PPARGC1A: variants seen among roughly 807,000 people sequenced by gnomAD.
PPARGC1A encodes peroxisome proliferator-activated receptor gamma coactivator 1-alpha.
PPARGC1A carries 25 observed loss-of-function variants against 88.7 expected under a neutral mutation model. The ratio of observed to expected loss-of-function variants is 0.28; its 90% CI spans 0.21 to 0.39. PPARGC1A has a LOEUF of 0.39. Among genes scored for constraint, PPARGC1A ranks in the 10% least tolerant of loss-of-function variants. The probability of loss-of-function intolerance (pLI) is 1.00; values close to 1 mark genes in which losing one functional copy is unlikely to be tolerated. For synonymous variants in PPARGC1A, 363 were observed against 355.6 expected, an observed-to-expected ratio of 1.02 and a Z score of -0.24; for missense variants, 880 against 968.7, an observed-to-expected ratio of 0.91 and a Z score of 1.22.
chr4:24,303,692 C>G, the PPARGC1A span, among the ~76,000 whole-genome samples: 1 of 150,682 alleles, frequency 6.6e-6, no homozygotes, highest in Non-Finnish European at 1.5e-5. Context: ...GGGAAAAAAT[C>G]AATTTTAATC....
At chr4:24,260,238 G>A in the PPARGC1A span, among the ~76,000 whole-genome samples, 34 of 152,322 alleles carry the variant, frequency 2.2e-4, no homozygotes, top group African/African-American at 7.5e-4. Flanking sequence ...GTCTGTCTAC[G>A]TCTACAAGCA....
At chr4:24,333,383 T>A in the PPARGC1A span, among the ~76,000 whole-genome samples, 3 of 152,264 alleles carry the variant, frequency 2.0e-5, no homozygotes, top group African/African-American at 7.2e-5. Context: ...TTTCTGAGTT[T>A]CATGATTCAT....
chr4:24,326,577 G>C, the PPARGC1A span, among the ~76,000 whole-genome samples: 1 of 152,120 alleles, frequency 6.6e-6, no homozygotes, highest in Non-Finnish European at 1.5e-5. Context: ...CTGCCGCAAG[G>C]CTTCACAGAC....
chr4:23,998,632 G>A, the PPARGC1A span, among the ~76,000 whole-genome samples: 5 of 152,234 alleles, frequency 3.3e-5, 1 homozygote, highest in East Asian at 1.9e-4. Flanking sequence ...CAACAATTTT[G>A]GAAGAGTCAG....
the PPARGC1A span, among the ~76,000 whole-genome samples, chr4:24,396,925 T>C: frequency 6.6e-6 from 1 of 152,202 alleles, no homozygotes; most frequent in Non-Finnish European, 1.5e-5. Context: ...AGTTACAAAA[T>C]GGTACTCTCA....
chr4:24,431,253 T>C, the PPARGC1A span, among the ~76,000 whole-genome samples: 2 of 151,658 alleles, frequency 1.3e-5, no homozygotes, highest in Non-Finnish European at 2.9e-5. Flanking sequence ...GCAGGAGAGA[T>C]TTCTAGATGG....
At chr4:23,983,404 CT>C in the PPARGC1A span, among the ~76,000 whole-genome samples, 2 of 152,042 alleles carry the variant, frequency 1.3e-5, no homozygotes, top group Admixed American at 6.6e-5. Flanking sequence ...GATGCAGTGC[CT>C]TTAAAACAGG....
the PPARGC1A span, among the ~76,000 whole-genome samples, chr4:24,441,752 G>C: frequency 6.6e-6 from 1 of 152,148 alleles, no homozygotes; most frequent in African/African-American, 2.4e-5. Flanking sequence ...GGAGGAAAAG[G>C]GTGGAAGAAA....
the PPARGC1A span, among the ~76,000 whole-genome samples, chr4:23,961,973 A>G: frequency 5.9e-5 from 9 of 152,264 alleles, no homozygotes; most frequent in African/African-American, 2.2e-4. Flanking sequence ...ACCAATAAAG[A>G]TAATGAGCAT....
At chr4:24,357,259 A>G in the PPARGC1A span, among the ~76,000 whole-genome samples, 57,252 of 152,034 alleles carry the variant, frequency 0.38, 11,125 homozygotes, top group Non-Finnish European at 0.41. Flanking sequence ...AGCTAACTTA[A>G]GGTCAGCTTC....
the PPARGC1A span, among the ~76,000 whole-genome samples, chr4:24,354,719 T>C: frequency 6.6e-6 from 1 of 151,992 alleles, no homozygotes; most frequent in African/African-American, 2.4e-5. Flanking sequence ...ACCCCGTCTC[T>C]ACTAAAAATA....
the PPARGC1A span, among the ~76,000 whole-genome samples, chr4:24,172,427 C>T: frequency 6.6e-6 from 1 of 152,208 alleles, no homozygotes; most frequent in Non-Finnish European, 1.5e-5. Context: ...CACACAGATG[C>T]ATCAGACACA....
intron 2 of PPARGC1A, among the ~76,000 whole-genome samples, chr4:23,854,123 T>G (rs1729779662): frequency 6.6e-6 from 1 of 152,004 alleles, no homozygotes; most frequent in Admixed American, 6.6e-5. Flanking sequence ...GTCAAGGGAG[T>G]GAGACAGGAG....
At chr4:24,069,835 A>T in the PPARGC1A span, among the ~76,000 whole-genome samples, 1 of 152,228 alleles carries the variant, frequency 6.6e-6, no homozygotes, top group African/African-American at 2.4e-5. Context: ...TGTACTGACA[A>T]TAAACTTTAA....
At chr4:24,220,253 G>C in the PPARGC1A span, among the ~76,000 whole-genome samples, 66 of 152,310 alleles carry the variant, frequency 4.3e-4, no homozygotes, top group African/African-American at 1.3e-3. Context: ...AGAGAAAAGG[G>C]AATGCTTATA....
chr4:24,000,792 G>A, the PPARGC1A span, among the ~76,000 whole-genome samples: 1 of 152,112 alleles, frequency 6.6e-6, no homozygotes, highest in Non-Finnish European at 1.5e-5. Flanking sequence ...ATAGAGATAA[G>A]GGGAAAATTT....
At chr4:24,330,395 A>G in the PPARGC1A span, among the ~76,000 whole-genome samples, 1 of 152,146 alleles carries the variant, frequency 6.6e-6, no homozygotes. Flanking sequence ...CAGGGAGGAA[A>G]CTCGAGCTGG....
At chr4:24,234,768 C>T in the PPARGC1A span, among the ~76,000 whole-genome samples, 1 of 152,176 alleles carries the variant, frequency 6.6e-6, no homozygotes, top group Admixed American at 6.5e-5. Flanking sequence ...TGCTCTTTCA[C>T]GTAATCCAAT....
chr4:23,999,893 A>C, the PPARGC1A span, among the ~76,000 whole-genome samples: 1 of 152,008 alleles, frequency 6.6e-6, no homozygotes, highest in African/African-American at 2.4e-5. Flanking sequence ...AGCTGCCCCA[A>C]GAACAAGGAT....
Sources: gnomAD v4.1 joint callset for allele counts (sites outside exome capture counted in the v4.1 genomes callset) on GRCh38, gnomAD v4.1.1 for gene constraint, MANE v1.5 for transcripts, NCBI Gene and HGNC (gene_info 2026-07-23, HGNC 2026-07-21) for gene names.